The following COL16A1 variants were observed in gnomAD, a reference collection of about 807,000 sequenced individuals.
COL16A1 encodes collagen type XVI alpha 1 chain.
A neutral mutation model predicts 266.3 loss-of-function variants in COL16A1; 189 were observed. The observed-to-expected ratio is 0.71, with a 90% CI of 0.63 to 0.80. COL16A1 has a LOEUF of 0.80. Ranked by LOEUF, COL16A1 falls within the 30% of genes least tolerant of loss-of-function variation. The pLI is 0.00. For synonymous variants in COL16A1, 740 were observed against 782.3 expected (o/e 0.95, Z 0.90); for missense variants, 1,928 against 2,122.4 (o/e 0.91, Z 1.80).
chr1:31,684,827 C>T lies in COL16A1; in HGVS notation c.2046G>A (p.Gly682=), dbSNP rs368855768. 8.7e-6 allele frequency: 14 copies of T among 1,614,002 alleles called. No individual in the cohort carries two copies. The African/African-American group carries it at 1.5e-4, about 17-fold the overall frequency. ...QGKAGERGLK[G]QKGDAGNPGD... ...CCCACGGACGCCCTCTCACCTTCTGCCCCTTCAGTCCACGCTCTCCAGCCT... is the reference window on the plus strand; with the variant it reads ...CCCACGGACGCCCTCTCACCTTCTGTCCCTTCAGTCCACGCTCTCCAGCCT... Residue 682 remains glycine, a synonymous_variant, in exon 30 of 71, where the codon GGG becomes GGA. Coordinates refer to ENST00000373672, the MANE Select transcript of COL16A1 (RefSeq NM_001856.4).
chr1:31,696,659 G>A (rs946037826), intron 8 of COL16A1, among the ~76,000 whole-genome samples: 1 of 152,218 alleles, frequency 6.6e-6, no homozygotes, highest in Non-Finnish European at 1.5e-5. Flanking sequence ...GGACAAGCCT[G>A]GTCCTGCCCT....
chr1:31,658,396 T>C, intron 64 of COL16A1, 92 bp downstream of exon 64: 1 of 1,111,450 alleles, frequency 9.0e-7, no homozygotes, highest in Non-Finnish European at 1.3e-6. Flanking sequence ...TCTCCTTCCT[T>C]AGAGACCCCA....
intron 42 of COL16A1, among the ~76,000 whole-genome samples, 163 bp from the exon 43 acceptor site, chr1:31,675,474 G>C (rs971465959): frequency 1.3e-5 from 2 of 152,030 alleles, no homozygotes; most frequent in Non-Finnish European, 2.9e-5. Context: ...AAAGCCTCTC[G>C]ACCCTTATAG....
rs374803719 is a variant in COL16A1 at position 31,655,350 on chromosome 1, C to T, written c.4254G>A (p.Ser1418=). The T allele has an allele frequency of 7.1e-5, 115 of 1,612,794 alleles. No homozygotes were observed. The highest frequency in any genetic ancestry group is 2.3e-4 in the African/African-American group (17 of 74,850). Residue 1418 remains serine (S), a synonymous_variant, in exon 67 of 71, where the codon TCG becomes TCA. Coordinates refer to ENST00000373672, the MANE Select transcript of COL16A1 (RefSeq NM_001856.4). ...GCACACCAGGCAAGCCAGGGCTCCC[C>T]GAAGGCCCCGGAGCTCCAGGGTGGC... The part of the protein sequence containing the change: ...ERGHPGAPGP[S]GSPGLPGVPG...
Position 31,684,852 on chromosome 1 carries a change from T to G in COL16A1, c.2021A>C (p.Lys674Thr), listed in dbSNP as rs896703935. Reference protein sequence around the residue: ...PGFGLPGKQGKAGERGLKGQK... With the variant: ...PGFGLPGKQGTAGERGLKGQK... ...CCCCTTCAGTCCACGCTCTCCAGCC[T>G]TGCCCTGAGGAGAAAGCATTTCCAG... The change falls in exon 30 of 71, where the codon AAG becomes ACG. Residue 674 changes from lysine (K) to threonine (T), a missense_variant. Physicochemically the swap from Lys to Thr is moderately conservative, Grantham distance 78. Coordinates refer to ENST00000373672, the MANE Select transcript of COL16A1 (RefSeq NM_001856.4). 5 of 1,613,988 alleles carry G rather than the reference T, an allele frequency of 3.1e-6. No homozygotes were observed. In the Admixed American group the frequency reaches 6.7e-5, roughly 22 times the overall value.
chr1:31,654,473 T>C (rs1202658877), intron 68 of COL16A1, among the ~76,000 whole-genome samples: 1 of 118,122 alleles, frequency 8.5e-6, no homozygotes, highest in Non-Finnish European at 2.1e-5. Flanking sequence ...ACCCCAGCCA[T>C]CTTACAGTGC....
chr1:31,685,993 G>C lies in COL16A1; in HGVS notation c.1884+98C>G. 6.4e-7 allele frequency: 1 copy of C among 1,554,576 alleles called. No homozygotes were observed. Among genetic ancestry groups the C allele is most frequent in the Non-Finnish European group, 8.7e-7 (1 of 1,145,712 alleles). On this transcript the variant is annotated intron_variant, in intron 28 of 70. Transcript: ENST00000373672. The surrounding 1 kb of genome is among the most constrained non-coding windows in gnomAD (Gnocchi z 4.0). ...CTAAGGAGTCAGACTCTGCCCGACA[G>C]ACAGCAAGGAGCCCCAGAGGGTTCG... is the stretch of plus-strand genomic sequence containing the variant.
chr1:31,673,741 C>A (rs1436936908), intron 44 of COL16A1, among the ~76,000 whole-genome samples: 1 of 152,246 alleles, frequency 6.6e-6, no homozygotes, highest in Non-Finnish European at 1.5e-5. Context: ...AAAGTGGGAG[C>A]CTGGATTGGC....
In COL16A1 at chr1:31,670,989, G is replaced by A. The variant is rs553783028; in HGVS notation, c.3151-343C>T. Among the ~76,000 whole-genome samples, 1 of 152,182 alleles carries A rather than the reference G, an allele frequency of 6.6e-6. No individual in the cohort carries two copies. ...GCCACCCGACCTCCACCTGTCCCCC[G>A]AGTGGGGGGCTCCCTGGCTCTAAGA... On this transcript the variant is annotated intron_variant, in intron 48 of 70. Coordinates refer to ENST00000373672, the MANE Select transcript of COL16A1 (RefSeq NM_001856.4). The surrounding 1 kb of genome is among the most constrained non-coding windows in gnomAD (Gnocchi z 4.5).
chr1:31,679,756 T>C (rs1201784528), intron 41 of COL16A1, 48 bp downstream of exon 41: 3 of 1,598,132 alleles, frequency 1.9e-6, no homozygotes, highest in Non-Finnish European at 2.6e-6. Flanking sequence ...CTGTTTAGGG[T>C]GGACAAGCCG....
intron 70 of COL16A1, among the ~76,000 whole-genome samples, chr1:31,653,278 T>G (rs928786013): frequency 6.6e-6 from 1 of 152,340 alleles, no homozygotes; most frequent in Admixed American, 6.5e-5. Context: ...TCCAAAGGGC[T>G]TAAGTGGCCT....
At chr1:31,683,647 GTAGGT>G in intron 34 of COL16A1, 55 bp downstream of exon 34, 2 of 1,611,486 alleles carry the variant, frequency 1.2e-6, no homozygotes, top group Middle Eastern at 1.7e-4. Flanking sequence ...GTGGATGGAA[GTAGGT>G]AGCTGGCTAA....
chr1:31,688,649 T>C lies in COL16A1; in HGVS notation c.1768-147A>G. The C allele has an allele frequency of 1.6e-6, 2 of 1,240,652 alleles. No individual in the cohort carries two copies. The highest frequency in any genetic ancestry group is 2.3e-6 in the Non-Finnish European group (2 of 851,584). The allele number at this position is 1,240,652 out of a possible 1,614,324, so 76.9% of individuals were successfully genotyped here. On this transcript the variant is annotated intron_variant, in intron 25 of 70. Transcript: ENST00000373672. The surrounding 1 kb of genome is among the most constrained non-coding windows in gnomAD (Gnocchi z 4.9). ...TGGACAGTTTCTTCAGTTAGACAAC[T>C]GAAGCTAGAGGTGCTAAGAGGAAGT...
intron 2 of COL16A1, chr1:31,701,409 C>G: frequency 1.0e-6 from 1 of 985,452 alleles, no homozygotes; most frequent in South Asian, 4.7e-5. Context: ...ATCCCTTTCA[C>G]CTCAGCTTCT....
intron 44 of COL16A1, 144 bp downstream of exon 44, chr1:31,674,863 C>G (rs746912909): frequency 7.5e-7 from 1 of 1,324,924 alleles, no homozygotes; most frequent in African/African-American, 1.5e-5. Flanking sequence ...TCAGCTAGGC[C>G]CTCTTAGACA....
chr1:31,680,144 G>C (rs868436814), intron 39 of COL16A1, 43 bp from the exon 40 acceptor site: 1 of 1,598,826 alleles, frequency 6.3e-7, no homozygotes, highest in Non-Finnish European at 8.5e-7. Flanking sequence ...TGAAGACGAA[G>C]GGCTCTCTTG....
intron 28 of COL16A1, 68 bp downstream of exon 28, chr1:31,686,023 C>A: frequency 1.3e-6 from 2 of 1,596,424 alleles, no homozygotes; most frequent in South Asian, 1.1e-5. Flanking sequence ...GGTTCGAAGT[C>A]GAGCAAGACG....
At chr1:31,683,578 C>T in intron 34 of COL16A1, 129 bp downstream of exon 34, 3 of 1,585,996 alleles carry the variant, frequency 1.9e-6, no homozygotes, top group Non-Finnish European at 2.6e-6. Flanking sequence ...CGGCCTGATC[C>T]CTGGTCCCAG....
rs78189506 is a variant in COL16A1, at chr1:31,690,276, C to T, written c.1509+91G>A. On this transcript the variant is annotated intron_variant, in intron 22 of 70. Coordinates refer to ENST00000373672, the MANE Select transcript of COL16A1 (RefSeq NM_001856.4). Reference sequence around the variant, plus strand: ...GGGTCCCCTGAGGAAGGTCCAGCACCCCTAGGCCTAGGGCCCTTGATGCTC... The same window carrying T: ...GGGTCCCCTGAGGAAGGTCCAGCACTCCTAGGCCTAGGGCCCTTGATGCTC... 5.8e-4 allele frequency: 920 copies of T among 1,581,310 alleles called. No individual in the cohort carries two copies. The African/African-American group carries it at 0.012, about 20-fold the overall frequency.
Sources: gnomAD v4.1 joint callset for allele counts (sites outside exome capture counted in the v4.1 genomes callset) on GRCh38, gnomAD v4.1.1 for gene constraint, Gnocchi (gnomAD v3.1) non-coding constraint, MANE v1.5 for transcripts, NCBI Gene and HGNC (gene_info 2026-07-23, HGNC 2026-07-21) for gene names.